Variants in DIPK2B observed in about 807,000 individuals in gnomAD.
DIPK2B encodes divergent protein kinase domain 2B, also known as UPF0672 protein CXorf36.
Under a neutral mutation model 22.2 loss-of-function variants are expected in DIPK2B, and 15 were observed. The observed-to-expected ratio is 0.68, with a 90% CI of 0.45 to 1.04. DIPK2B has a LOEUF of 1.04. Ranked by LOEUF, DIPK2B falls within the 50% of genes least tolerant of loss-of-function variation. The pLI is 0.00. For missense variants in DIPK2B, 345 were observed against 348.3 expected, an observed-to-expected ratio of 0.99 and a Z score of 0.08; for synonymous variants, 163 against 153.2, an observed-to-expected ratio of 1.06 and a Z score of -0.47.
intron 2 of DIPK2B, among the ~76,000 whole-genome samples, chrX:45,177,498 C>A: frequency 9.2e-6 from 1 of 108,999 alleles, no homozygotes. Context: ...CTCCTCCCTC[C>A]CTCTCTCTTG....
intron 2 of DIPK2B, among the ~76,000 whole-genome samples, chrX:45,172,345 T>C (rs780695651): frequency 9.0e-6 from 1 of 111,667 alleles, no homozygotes; most frequent in Non-Finnish European, 1.9e-5. Context: ...TACCACACAG[T>C]GTCATGCATG....
chrX:45,156,935 C>T (rs2046998764), intron 3 of DIPK2B, among the ~76,000 whole-genome samples: 1 of 107,046 alleles, frequency 9.3e-6, no homozygotes, highest in South Asian at 4.2e-4. Flanking sequence ...CCTCCTCTCC[C>T]GCCTTCCTTC....
intron 2 of DIPK2B, among the ~76,000 whole-genome samples, chrX:45,191,072 A>G (rs1032935574): frequency 4.5e-5 from 5 of 112,126 alleles, no homozygotes; most frequent in African/African-American, 1.6e-4. Flanking sequence ...ATATGTGTGG[A>G]GGGCCATGGC....
At chrX:45,191,352 T>C (rs982608110) in intron 2 of DIPK2B, 1 of 144,924 alleles carries the variant, frequency 6.9e-6, no homozygotes, top group Admixed American at 8.0e-5. Context: ...ACAGGATATA[T>C]ATGGGAGCTT....
At chrX:45,181,619 C>T (rs2047153050) in intron 2 of DIPK2B, among the ~76,000 whole-genome samples, 1 of 111,609 alleles carries the variant, frequency 9.0e-6, no homozygotes, top group Admixed American at 9.5e-5. Context: ...AATGGTTTTT[C>T]TAAAATATGC....
At chrX:45,181,199 A>G (rs2047149620) in intron 2 of DIPK2B, among the ~76,000 whole-genome samples, 2 of 112,142 alleles carry the variant, frequency 1.8e-5, no homozygotes, top group South Asian at 7.2e-4. Flanking sequence ...GCTATGCTGA[A>G]AACCATGAAA....
Position 45,151,910 on chromosome X carries a change from G to T in DIPK2B, c.1044C>A (p.Ser348=), listed in dbSNP as rs755082018. The T allele has an allele frequency of 3.3e-6, 4 of 1,206,355 alleles. No individual in the cohort carries two copies. The African/African-American group carries it at 7.0e-5, about 21-fold the overall frequency. ...TCTGCTTCTCAGAGATGCTTTCGCA[G>T]GAGGGCAGCTGGGCCTGGCAGCCGG... ...LVSGCQAQLP[S]CESISEKQSL... is the part of the protein sequence containing the mutation. Residue 348 remains serine (S), a synonymous_variant, in exon 5 of 5, where the codon TCC becomes TCA. Transcript: ENST00000398000.
At chrX:45,196,590 G>C (rs922946750) in intron 1 of DIPK2B, among the ~76,000 whole-genome samples, 3 of 110,835 alleles carry the variant, frequency 2.7e-5, no homozygotes, top group Non-Finnish European at 5.7e-5. Context: ...TGGTACATAA[G>C]ACCAAGTGTG....
chrX:45,177,180 T>G (rs2047123414), intron 2 of DIPK2B, among the ~76,000 whole-genome samples: 1 of 109,451 alleles, frequency 9.1e-6, no homozygotes, highest in African/African-American at 3.3e-5. Context: ...ACACCTGTAG[T>G]CCCAGCTACT....
At chrX:45,152,139 C>T (rs2046965706) in intron 4 of DIPK2B, 147 bp from the exon 5 acceptor site, 1 of 526,662 alleles carries the variant, frequency 1.9e-6, no homozygotes, top group Non-Finnish European at 3.1e-6. Context: ...GGGCAGATCA[C>T]TTGAGGTCAG....
At chrX:45,178,909 C>A (rs185865407) in intron 2 of DIPK2B, among the ~76,000 whole-genome samples, 79 of 111,651 alleles carry the variant, frequency 7.1e-4, no homozygotes, top group African/African-American at 2.4e-3. Flanking sequence ...TTCAATCGGA[C>A]CTCAGAAAGT....
At chrX:45,177,234 G>T (rs2047123714) in intron 2 of DIPK2B, among the ~76,000 whole-genome samples, 2 of 109,388 alleles carry the variant, frequency 1.8e-5, no homozygotes, top group Non-Finnish European at 3.8e-5. Flanking sequence ...TTGAGTCTAG[G>T]AGGTCGAGGC....
chrX:45,156,254 G>A (rs1033555599), intron 3 of DIPK2B, among the ~76,000 whole-genome samples: 2 of 110,907 alleles, frequency 1.8e-5, no homozygotes, highest in African/African-American at 6.6e-5. Flanking sequence ...TTACAGGTGT[G>A]AGCCACAGCA....
chrX:45,153,474 T>G (rs865912558), intron 4 of DIPK2B, among the ~76,000 whole-genome samples: 103 of 73,860 alleles, frequency 1.4e-3, no homozygotes, highest in Non-Finnish European at 2.2e-3. Context: ...CCCAAAAGTT[T>G]TGTGTGTGTG....
chrX:45,168,108 A>T (rs919877065), intron 2 of DIPK2B, among the ~76,000 whole-genome samples: 1 of 112,750 alleles, frequency 8.9e-6, no homozygotes, highest in Non-Finnish European at 1.9e-5. Context: ...TGAAGGAGGG[A>T]GGAAAATCTA....
intron 2 of DIPK2B, among the ~76,000 whole-genome samples, chrX:45,170,760 C>G (rs2047076751): frequency 8.9e-6 from 1 of 112,622 alleles, no homozygotes; most frequent in African/African-American, 3.2e-5. Context: ...TTTCTAGTGA[C>G]ACACCCATGT....
At chrX:45,155,495 G>A (rs1015254301) in intron 3 of DIPK2B, among the ~76,000 whole-genome samples, 1 of 108,033 alleles carries the variant, frequency 9.3e-6, no homozygotes, top group African/African-American at 3.4e-5. Context: ...TCTCGGACAG[G>A]GCAAAAATCA....
intron 2 of DIPK2B, among the ~76,000 whole-genome samples, chrX:45,167,683 C>CT (rs1308684498): frequency 5.6e-5 from 6 of 106,361 alleles, no homozygotes; most frequent in African/African-American, 1.7e-4. Flanking sequence ...CAGAGTGATT[C>CT]TTTTTTTTTT....
chrX:45,177,190 T>C (rs999501665), intron 2 of DIPK2B, among the ~76,000 whole-genome samples: 2 of 109,324 alleles, frequency 1.8e-5, no homozygotes, highest in Admixed American at 9.8e-5. Flanking sequence ...TCCCAGCTAC[T>C]TGGGAGGCTG....
Sources: allele counts gnomAD v4.1 joint callset (sites outside exome capture counted in the v4.1 genomes callset), GRCh38; gene constraint gnomAD v4.1.1; transcripts MANE v1.5; gene names NCBI Gene and HGNC (gene_info 2026-07-23, HGNC 2026-07-21).